The following KIF3A variants were observed in gnomAD, a reference collection of about 807,000 sequenced individuals.
The protein encoded by KIF3A is kinesin-like protein KIF3A.
KIF3A carries 27 observed loss-of-function variants against 92.6 expected under a neutral mutation model. The ratio of observed to expected loss-of-function variants is 0.29; its 90% CI spans 0.21 to 0.40. KIF3A has a LOEUF of 0.40. Ranked by LOEUF, KIF3A falls within the 10% of genes least tolerant of loss-of-function variation. KIF3A has a pLI of 1.00. For synonymous variants in KIF3A, 250 were observed against 275.4 expected, an observed-to-expected ratio of 0.91 and a Z score of 0.92; for missense variants, 581 against 872.6, an observed-to-expected ratio of 0.67 and a Z score of 4.21.
chr5:132,698,154 T>C (rs1752901390), intron 18 of KIF3A, among the ~76,000 whole-genome samples: 1 of 152,220 alleles, frequency 6.6e-6, no homozygotes, highest in Non-Finnish European at 1.5e-5. Flanking sequence ...TATGAGATTA[T>C]GTAACACAAA....
chr5:132,695,577 T>C lies in KIF3A; in HGVS notation c.*1057A>G, dbSNP rs1752805911. On this transcript the variant is annotated 3_prime_UTR_variant, in exon 19 of 19. Coordinates refer to ENST00000403231, the MANE Select transcript of KIF3A (RefSeq NM_001300791.2). ...AACTTACTTTACTATGAAATCAACA[T>C]AGTTTTTATTTGTAGAGGAATATGG... The C allele has an allele frequency of 1.3e-5, 2 of 152,362 alleles. No homozygotes were observed. Among genetic ancestry groups the C allele is most frequent in the Admixed American group, 6.5e-5 (1 of 15,290 alleles). The allele number at this position is 152,362 out of a possible 1,614,324, so 9.4% of individuals were successfully genotyped here.
Position 132,696,596 on chromosome 5 carries a change from T to C in KIF3A, c.*38A>G, listed in dbSNP as rs367715945. 1 of 1,303,740 alleles carries C rather than the reference T, an allele frequency of 7.7e-7. No individual in the cohort carries two copies. Among genetic ancestry groups the C allele is most frequent in the East Asian group, 2.3e-5 (1 of 43,232 alleles). 80.8% of individuals were successfully genotyped at this position (1,303,740 alleles called of 1,614,324 possible). A position where few individuals can be genotyped will look rare whatever the true frequency, so the allele number is the denominator to read the frequency against. On this transcript the variant is annotated 3_prime_UTR_variant, in exon 19 of 19. Transcript: ENST00000403231. ...TAAAGATTTTGTCCAGGCATGAGAATATCACTAATTTTTATTGTGACTTTA... is the reference window on the plus strand; with the variant it reads ...TAAAGATTTTGTCCAGGCATGAGAACATCACTAATTTTTATTGTGACTTTA...
chr5:132,726,181 A>C lies in KIF3A; in HGVS notation c.457T>G (p.Tyr153Asp). The change falls in exon 4 of 19, where the codon TAT becomes GAT. Residue 153 changes from tyrosine (Y) to aspartate (D), a missense_variant. Transcript: ENST00000403231. ...FLVRVSYLEIYNEEVRDLLGK... is the reference protein window; with the variant it reads ...FLVRVSYLEIDNEEVRDLLGK... ...AAAAGGTCACGAACTTCTTCATTAT[A>C]TATTTCCAAATAAGACACTCGAACC... is the stretch of plus-strand genomic sequence containing the variant. 6.2e-7 allele frequency: 1 copy of C among 1,612,160 alleles called. No homozygotes were observed. The highest frequency in any genetic ancestry group is 8.5e-7 in the Non-Finnish European group (1 of 1,179,148).
At chr5:132,732,790 TC>T (rs1221748124) in intron 2 of KIF3A, among the ~76,000 whole-genome samples, 3 of 151,974 alleles carry the variant, frequency 2.0e-5, no homozygotes, top group Non-Finnish European at 4.4e-5. Flanking sequence ...GCGCCTGTAG[TC>T]CCAGCTACTC....
chr5:132,715,884 A>G lies in KIF3A; in HGVS notation c.1002T>C (p.Ser334=). Residue 334 remains serine (S), a synonymous_variant, in exon 8 of 19, where the codon AGT becomes AGC. Transcript: ENST00000403231. ...PADYNYDETI[S]TLRYANRAKN... ...TAGCACGATTGGCATACCGTAATGTACTGATAGTTTCATCATAATTGTAAT... is the reference window on the plus strand; with the variant it reads ...TAGCACGATTGGCATACCGTAATGTGCTGATAGTTTCATCATAATTGTAAT... 12 of 1,604,724 alleles carry G rather than the reference A, an allele frequency of 7.5e-6. No individual in the cohort carries two copies. The highest frequency in any genetic ancestry group is 1.0e-5 in the Non-Finnish European group (12 of 1,175,380).
At chr5:132,712,341 G>A (rs1292723448) in intron 8 of KIF3A, among the ~76,000 whole-genome samples, 1 of 152,142 alleles carries the variant, frequency 6.6e-6, no homozygotes, top group Non-Finnish European at 1.5e-5. Flanking sequence ...AAGAATACAG[G>A]AACTACTCTG....
At chr5:132,705,685 G>C (rs1753187423) in intron 11 of KIF3A, among the ~76,000 whole-genome samples, 1 of 151,712 alleles carries the variant, frequency 6.6e-6, no homozygotes, top group African/African-American at 2.4e-5. Flanking sequence ...ATATAGCCAG[G>C]GTTAGTTTCA....
At chr5:132,729,026 G>T (rs1754134968) in intron 2 of KIF3A, among the ~76,000 whole-genome samples, 4 of 152,138 alleles carry the variant, frequency 2.6e-5, no homozygotes, top group Admixed American at 2.0e-4. Flanking sequence ...AGTAACTCAG[G>T]AACAGAAAAT....
At chr5:132,726,050 A>G in intron 4 of KIF3A, 78 bp downstream of exon 4, 2 of 1,041,710 alleles carry the variant, frequency 1.9e-6, no homozygotes, top group African/African-American at 1.6e-5. Flanking sequence ...TTTTGTTTAA[A>G]AAAAGAAGGG....
intron 4 of KIF3A, among the ~76,000 whole-genome samples, chr5:132,724,854 TATTAAA>T (rs1177268173): frequency 3.9e-4 from 10 of 25,652 alleles, no homozygotes; most frequent in African/African-American, 8.1e-4. Context: ...TATATATATA[TATTAAA>T]AAATCATTCT....
chr5:132,736,915 GCAT>G (rs1049404747), intron 1 of KIF3A: 8 of 336,210 alleles, frequency 2.4e-5, no homozygotes, highest in African/African-American at 1.3e-4. Context: ...GTTTCATTCT[GCAT>G]CATAAGCTAA....
At chr5:132,730,424 G>A (rs1186792133) in intron 2 of KIF3A, among the ~76,000 whole-genome samples, 2 of 149,838 alleles carry the variant, frequency 1.3e-5, no homozygotes, top group Admixed American at 6.7e-5. Context: ...CCGAGATCGC[G>A]CCACTGCACT....
intron 4 of KIF3A, among the ~76,000 whole-genome samples, chr5:132,721,916 A>C (rs1581090688): frequency 6.6e-6 from 1 of 152,186 alleles, no homozygotes; most frequent in South Asian, 2.1e-4. Flanking sequence ...GGTTTGATGA[A>C]AGTGTTGAAA....
At chr5:132,700,528 C>T in intron 16 of KIF3A, 119 bp downstream of exon 16, 1 of 720,164 alleles carries the variant, frequency 1.4e-6, no homozygotes, top group East Asian at 2.5e-5. Flanking sequence ...ATCTGCCCTA[C>T]TGGATTCTCA....
chr5:132,734,116 A>G (rs1754317413), intron 2 of KIF3A, 89 bp downstream of exon 2: 2 of 1,036,644 alleles, frequency 1.9e-6, no homozygotes, highest in Non-Finnish European at 2.9e-6. Context: ...TACTACACTC[A>G]TCAAACTGCA....
intron 2 of KIF3A, among the ~76,000 whole-genome samples, chr5:132,730,480 A>G (rs1322490660): frequency 6.7e-6 from 1 of 150,106 alleles, no homozygotes; most frequent in Non-Finnish European, 1.5e-5. Flanking sequence ...AAAAGAAAAA[A>G]AAAAAAAGAA....
chr5:132,689,044 G>C (rs1276345752), downstream of KIF3A, among the ~76,000 whole-genome samples: 2 of 152,188 alleles, frequency 1.3e-5, no homozygotes, highest in Non-Finnish European at 1.5e-5. Flanking sequence ...AAAGTCACTT[G>C]AAGATTGGGT....
chr5:132,712,985 C>T (rs1201466706), intron 8 of KIF3A, among the ~76,000 whole-genome samples: 1 of 152,140 alleles, frequency 6.6e-6, no homozygotes, highest in Admixed American at 6.6e-5. Context: ...TGGTGAAACC[C>T]TGTCTCTACT....
At chr5:132,699,842 G>A (rs944539371) in intron 17 of KIF3A, among the ~76,000 whole-genome samples, 19 of 151,776 alleles carry the variant, frequency 1.3e-4, no homozygotes, top group Middle Eastern at 3.4e-3. Flanking sequence ...GATTACAGGC[G>A]TGAGCCACCA....
Sources: gnomAD v4.1 joint callset for allele counts (sites outside exome capture counted in the v4.1 genomes callset) on GRCh38, gnomAD v4.1.1 for gene constraint, MANE v1.5 for transcripts, NCBI Gene and HGNC (gene_info 2026-07-23, HGNC 2026-07-21) for gene names.